The following RGS22 variants were observed in gnomAD, a reference collection of about 807,000 sequenced individuals.
The protein encoded by RGS22 is regulator of G-protein signaling 22.
Under a neutral mutation model 172.9 loss-of-function variants are expected in RGS22, and 148 were observed. The observed-to-expected ratio is 0.86, with a 90% confidence interval of 0.75 to 0.98. The LOEUF (loss-of-function observed/expected upper bound fraction) is 0.98, where lower values mean the gene tolerates loss of function less well. Ranked by LOEUF, RGS22 falls within the 50% of genes least tolerant of loss-of-function variation. The pLI, the probability that RGS22 is intolerant of heterozygous loss-of-function variation, is 0.00. For missense variants in RGS22, 1,347 were observed against 1,440.8 expected, an observed-to-expected ratio of 0.93 and a Z score of 1.05; for synonymous variants, 458 against 480.2, an observed-to-expected ratio of 0.95 and a Z score of 0.60.
At chr8:100,041,007 T>C (rs1820041653) in intron 12 of RGS22, among the ~76,000 whole-genome samples, 1 of 151,876 alleles carries the variant, frequency 6.6e-6, no homozygotes, top group South Asian at 2.1e-4. Context: ...AGAAATGGAG[T>C]ACTATTTGCA....
chr8:100,044,923 T>G (rs1227899895), intron 11 of RGS22, among the ~76,000 whole-genome samples: 2 of 152,174 alleles, frequency 1.3e-5, no homozygotes, highest in East Asian at 3.9e-4. Flanking sequence ...GAGATAAAAT[T>G]CACATTGTCA....
At chr8:99,974,625 C>T (rs759148182) in intron 23 of RGS22, among the ~76,000 whole-genome samples, 29 of 150,716 alleles carry the variant, frequency 1.9e-4, no homozygotes, top group Non-Finnish European at 4.4e-5. Context: ...TGGTGAAACC[C>T]CATCTCTACT....
At chr8:100,038,040 T>A (rs1819686212) in intron 14 of RGS22, among the ~76,000 whole-genome samples, 1 of 152,126 alleles carries the variant, frequency 6.6e-6, no homozygotes, top group South Asian at 2.1e-4. Context: ...AATAAGATTA[T>A]AAGATAATAA....
chr8:99,967,102 C>T (rs1469511939), intron 23 of RGS22, among the ~76,000 whole-genome samples: 4 of 152,194 alleles, frequency 2.6e-5, no homozygotes. Context: ...GGTGTTGCCT[C>T]ACGCAGGAAG....
intron 19 of RGS22, among the ~76,000 whole-genome samples, chr8:99,998,827 G>A (rs972609642): frequency 1.3e-5 from 2 of 151,916 alleles, no homozygotes; most frequent in Non-Finnish European, 2.9e-5. Flanking sequence ...CACCACACGT[G>A]GCTGACTCCA....
chr8:100,072,425 A>G (rs1414096993), intron 4 of RGS22, among the ~76,000 whole-genome samples, 195 bp from the exon 5 acceptor site: 6 of 152,112 alleles, frequency 3.9e-5, no homozygotes, highest in African/African-American at 1.4e-4. Context: ...GTACGTTTTT[A>G]ATTCTCTTAA....
At chr8:99,993,561 C>T (rs1814000072) in intron 20 of RGS22, among the ~76,000 whole-genome samples, 1 of 152,088 alleles carries the variant, frequency 6.6e-6, no homozygotes, top group African/African-American at 2.4e-5. Flanking sequence ...CAAGACTAAA[C>T]CAGGAAGAAG....
rs976243891 is a variant in RGS22, at chr8:100,072,240, G to A, written c.340-10C>T. The A allele has an allele frequency of 6.5e-7, 1 of 1,537,492 alleles. No individual in the cohort carries two copies. Among genetic ancestry groups the A allele is most frequent in the Non-Finnish European group, 8.8e-7 (1 of 1,134,870 alleles). ...CTTCACGACTGAGACACTATGAGAA[G>A]AAAGAGAAAAAGAAAAAGAAGGTCA... On this transcript the variant is annotated splice_polypyrimidine_tract_variant and intron_variant, in intron 4 of 27. Transcript: ENST00000360863.
chr8:100,081,654 C>T (rs1212053090), intron 3 of RGS22, among the ~76,000 whole-genome samples: 1 of 151,970 alleles, frequency 6.6e-6, no homozygotes, highest in Non-Finnish European at 1.5e-5. Context: ...AAACAGGCAC[C>T]ATTTACCTAA....
chr8:100,066,410 G>A, intron 6 of RGS22, 114 bp from the exon 7 acceptor site: 2 of 727,736 alleles, frequency 2.7e-6, no homozygotes, highest in East Asian at 2.9e-5. Flanking sequence ...TATGTAAAGT[G>A]AAAATTATCT....
intron 3 of RGS22, among the ~76,000 whole-genome samples, chr8:100,084,452 G>A (rs1812019100): frequency 6.6e-6 from 1 of 152,048 alleles, no homozygotes; most frequent in South Asian, 2.1e-4. Context: ...ACAACAAAAG[G>A]AAAATTGGAA....
Position 100,105,894 on chromosome 8 carries a change from T to A in RGS22, c.25+3A>T, listed in dbSNP as rs1016224077. On this transcript the variant is annotated splice_donor_region_variant and intron_variant, in intron 1 of 27. Coordinates refer to ENST00000360863, the MANE Select transcript of RGS22 (RefSeq NM_015668.5). ...CCTCTGTCCCTGTGGGGCCGCCACC[T>A]ACCCGCGGTGAGCCTCTTCTCGGGC... 12 of 1,501,518 alleles carry A rather than the reference T, an allele frequency of 8.0e-6. No homozygotes were observed. Among genetic ancestry groups the A allele is most frequent in the Non-Finnish European group, 1.1e-5 (12 of 1,127,116 alleles). 93.0% of individuals were successfully genotyped at this position (1,501,518 alleles called of 1,614,324 possible).
At chr8:100,040,329 T>C (rs951447313) in intron 12 of RGS22, among the ~76,000 whole-genome samples, 1 of 152,222 alleles carries the variant, frequency 6.6e-6, no homozygotes, top group Non-Finnish European at 1.5e-5. Flanking sequence ...ATTTTAAACA[T>C]AATGTTGAAG....
chr8:100,031,025 A>T (rs898281291), intron 14 of RGS22, among the ~76,000 whole-genome samples: 3 of 152,206 alleles, frequency 2.0e-5, no homozygotes, highest in Admixed American at 6.6e-5. Flanking sequence ...TGAGAGAAGG[A>T]TGAAGATAAT....
intron 14 of RGS22, among the ~76,000 whole-genome samples, chr8:100,012,978 A>ATTTTTTTTT (rs35339430): frequency 1.1e-5 from 1 of 88,744 alleles, no homozygotes; most frequent in Non-Finnish European, 2.1e-5. Context: ...AACGCCTTTG[A>ATTTTTTTTT]TTTTTTTTTT....
intron 9 of RGS22, among the ~76,000 whole-genome samples, chr8:100,053,457 GGAGA>G (rs1821911478): frequency 3.0e-5 from 4 of 132,270 alleles, no homozygotes; most frequent in South Asian, 3.0e-4. Flanking sequence ...AGGGAGGGAG[GGAGA>G]GAGGGAGGGA....
At chr8:99,991,374 G>T (rs1308044187) in intron 20 of RGS22, among the ~76,000 whole-genome samples, 2 of 152,176 alleles carry the variant, frequency 1.3e-5, no homozygotes, top group African/African-American at 2.4e-5. Flanking sequence ...CTTGAAAAAA[G>T]ATTAGATGAA....
intron 9 of RGS22, among the ~76,000 whole-genome samples, chr8:100,056,866 A>G (rs1048931056): frequency 2.0e-5 from 3 of 152,208 alleles, no homozygotes; most frequent in African/African-American, 7.2e-5. Flanking sequence ...CCACTGGGGC[A>G]CTGCCTAGTG....
intron 14 of RGS22, among the ~76,000 whole-genome samples, chr8:100,021,715 C>A (rs750073258): frequency 1.3e-5 from 2 of 150,070 alleles, no homozygotes; most frequent in Admixed American, 6.7e-5. Context: ...CAACTGGGCT[C>A]AATAACTCTA....
Sources: gnomAD v4.1 joint callset for allele counts (sites outside exome capture counted in the v4.1 genomes callset) on GRCh38, gnomAD v4.1.1 for gene constraint, MANE v1.5 for transcripts, NCBI Gene and HGNC (gene_info 2026-07-23, HGNC 2026-07-21) for gene names.